The following KIF16B variants were observed in gnomAD, a reference collection of about 807,000 sequenced individuals.
KIF16B encodes kinesin-like protein KIF16B.
A neutral mutation model predicts 156.3 loss-of-function variants in KIF16B; 98 were observed. That is an observed-to-expected ratio of 0.63 (90% confidence interval 0.53 to 0.74). The LOEUF is 0.74. Among genes scored for constraint, KIF16B ranks in the 30% least tolerant of loss-of-function variants. The pLI is 0.00. For missense variants in KIF16B, 1,421 were observed against 1,606.5 expected, an observed-to-expected ratio of 0.88 and a Z score of 1.97; for synonymous variants, 564 against 583.7, an observed-to-expected ratio of 0.97 and a Z score of 0.49.
At chr20:16,388,820 A>G (rs2065287935) in intron 17 of KIF16B, among the ~76,000 whole-genome samples, 1 of 152,196 alleles carries the variant, frequency 6.6e-6, no homozygotes, top group African/African-American at 2.4e-5. Context: ...AGAAGTGAGG[A>G]AGATTTAAAT....
chr20:16,389,677 G>A (rs370695140), intron 17 of KIF16B, among the ~76,000 whole-genome samples: 29 of 152,254 alleles, frequency 1.9e-4, no homozygotes, highest in African/African-American at 6.7e-4. Context: ...TTGGGTGAAG[G>A]GGTTTGTGCT....
intron 17 of KIF16B, among the ~76,000 whole-genome samples, chr20:16,399,091 T>C (rs534720928): frequency 1.3e-5 from 2 of 152,288 alleles, no homozygotes; most frequent in East Asian, 3.9e-4. Context: ...TCAATGCTTT[T>C]GATTCCTGTT....
At chr20:16,295,023 A>G (rs540205725) in intron 25 of KIF16B, among the ~76,000 whole-genome samples, 9 of 152,302 alleles carry the variant, frequency 5.9e-5, no homozygotes, top group Admixed American at 4.6e-4. Flanking sequence ...TTATTTTCCA[A>G]AGGATAAACA....
At chr20:16,561,489 T>C (rs1197066701) in intron 1 of KIF16B, among the ~76,000 whole-genome samples, 5 of 152,254 alleles carry the variant, frequency 3.3e-5, no homozygotes, top group Non-Finnish European at 7.3e-5. Flanking sequence ...AAATAGTTCT[T>C]ATATTCACAA....
At chr20:16,414,957 T>A (rs1315622495) in intron 15 of KIF16B, among the ~76,000 whole-genome samples, 1 of 152,134 alleles carries the variant, frequency 6.6e-6, no homozygotes, top group Non-Finnish European at 1.5e-5. Context: ...TTTTGCCCAG[T>A]GTTCTGAGCA....
At chr20:16,521,116 A>C (rs781355809) in intron 3 of KIF16B, among the ~76,000 whole-genome samples, 2 of 152,150 alleles carry the variant, frequency 1.3e-5, no homozygotes, top group African/African-American at 2.4e-5. Flanking sequence ...CCTCTCCTCC[A>C]AAGAATTACA....
intron 24 of KIF16B, among the ~76,000 whole-genome samples, chr20:16,319,192 C>T (rs900069006): frequency 1.3e-5 from 2 of 152,016 alleles, no homozygotes; most frequent in African/African-American, 4.8e-5. Flanking sequence ...AGAAAAAGGC[C>T]ATTAGGTAAA....
At position 16,546,744 on chromosome 20, in the gene KIF16B, C is replaced by T. The variant is rs74349786; in HGVS notation, c.48-18304G>A. On this transcript the variant is annotated intron_variant, in intron 1 of 25. Transcript: ENST00000354981. ...CATAAAGATAAGGCTAACAGAAACA[C>T]AAAAATTCTTTCACTTATTTTTATT... Among the ~76,000 whole-genome samples the T allele has an allele frequency of 4.1e-3, 625 of 152,218 alleles. 8 individuals carry two copies. The highest frequency in any genetic ancestry group is 0.014 in the African/African-American group (593 of 41,550).
chr20:16,419,264 G>GACAT (rs2066167145), intron 15 of KIF16B, among the ~76,000 whole-genome samples: 1 of 152,110 alleles, frequency 6.6e-6, no homozygotes, highest in African/African-American at 2.4e-5. Context: ...ATCTGAGGAA[G>GACAT]ACATATGATG....
At chr20:16,477,799 C>G (rs887894271) in intron 12 of KIF16B, among the ~76,000 whole-genome samples, 2 of 152,060 alleles carry the variant, frequency 1.3e-5, no homozygotes, top group African/African-American at 2.4e-5. Context: ...AGAACTTTGA[C>G]CTGGCTGAAG....
chr20:16,323,330 C>T (rs2063797977), intron 24 of KIF16B, among the ~76,000 whole-genome samples: 1 of 151,984 alleles, frequency 6.6e-6, no homozygotes, highest in African/African-American at 2.4e-5. Context: ...GAAACATCTG[C>T]ACCCTAAAGG....
chr20:16,514,850 C>A (rs187006968), intron 4 of KIF16B, among the ~76,000 whole-genome samples: 13 of 144,440 alleles, frequency 9.0e-5, no homozygotes, highest in Admixed American at 2.8e-4. Context: ...CGCACCACTG[C>A]CCTCTAGCCT....
intron 12 of KIF16B, among the ~76,000 whole-genome samples, chr20:16,468,746 A>G (rs558002506): frequency 6.6e-6 from 1 of 152,302 alleles, no homozygotes; most frequent in Admixed American, 6.5e-5. Flanking sequence ...AGAGAGTTGA[A>G]GATTTCCAAC....
chr20:16,299,688 A>AC (rs1395571769), intron 25 of KIF16B, among the ~76,000 whole-genome samples: 2 of 152,166 alleles, frequency 1.3e-5, no homozygotes, highest in African/African-American at 4.8e-5. Context: ...TTCTAATCAC[A>AC]TTTTGGTATT....
chr20:16,545,681 A>G (rs1236081766), intron 1 of KIF16B, among the ~76,000 whole-genome samples: 4 of 152,172 alleles, frequency 2.6e-5, no homozygotes, highest in Non-Finnish European at 5.9e-5. Flanking sequence ...AAAACGTGGA[A>G]ATGTAAAAGA....
intron 23 of KIF16B, among the ~76,000 whole-genome samples, chr20:16,351,452 G>C (rs565402842): frequency 6.6e-6 from 1 of 152,334 alleles, no homozygotes; most frequent in Non-Finnish European, 1.5e-5. Context: ...ACGTGTCAGT[G>C]ACTGAGAGGC....
chr20:16,472,994 C>T (rs2067706635), intron 12 of KIF16B, among the ~76,000 whole-genome samples: 1 of 152,162 alleles, frequency 6.6e-6, no homozygotes. Context: ...CAGAATGCCA[C>T]TATCTTCTAA....
intron 12 of KIF16B, among the ~76,000 whole-genome samples, chr20:16,471,418 A>G (rs1325204652): frequency 6.6e-6 from 1 of 152,166 alleles, no homozygotes; most frequent in Admixed American, 6.5e-5. Flanking sequence ...AGCATATTAT[A>G]AGTGCTGACA....
intron 24 of KIF16B, among the ~76,000 whole-genome samples, chr20:16,326,701 G>A (rs905247092): frequency 6.6e-6 from 1 of 151,814 alleles, no homozygotes. Flanking sequence ...TGGTAAAAAG[G>A]GAACACTTTT....
Sources: allele counts gnomAD v4.1 joint callset (sites outside exome capture counted in the v4.1 genomes callset), GRCh38; gene constraint gnomAD v4.1.1; transcripts MANE v1.5; gene names NCBI Gene and HGNC (gene_info 2026-07-23, HGNC 2026-07-21).